MTHFD1: variants seen among roughly 807,000 people sequenced by gnomAD.
The protein encoded by MTHFD1 is C-1-tetrahydrofolate synthase, cytoplasmic.
MTHFD1 carries 44 observed loss-of-function variants against 110.3 expected under a neutral mutation model. That is an observed-to-expected ratio of 0.40 (90% confidence interval 0.31 to 0.51). MTHFD1 has a LOEUF of 0.51. MTHFD1 is among the 20% of genes least tolerant of loss of function. MTHFD1 has a pLI of 0.60. For synonymous variants in MTHFD1, 402 were observed against 428.8 expected (o/e 0.94, Z 0.77); for missense variants, 909 against 1,173.1 (o/e 0.77, Z 3.29).
chr14:64,425,210 C>CT (rs60509639), intron 9 of MTHFD1, among the ~76,000 whole-genome samples: 2,031 of 128,748 alleles, frequency 0.016, 41 homozygotes, highest in Non-Finnish European at 0.018. Context: ...CCTTCCCTTT[C>CT]TTTTTTTTTT....
rs945589340 is a variant in MTHFD1, at chr14:64,458,374, C to T, written c.*4+67C>T. 4 of 993,982 alleles carry T rather than the reference C, an allele frequency of 4.0e-6. No individual in the cohort carries two copies. In the African/African-American group the frequency reaches 6.4e-5, roughly 16 times the overall value. 61.6% of individuals were successfully genotyped at this position (993,982 alleles called of 1,614,324 possible). A position where few individuals can be genotyped will look rare whatever the true frequency, so the allele number is the denominator to read the frequency against. Reference sequence around the variant, plus strand: ...TAGCTTATTTATGAATTATAGGGCTCAAACTGACGCTATAAAAATTCACAT... The same window carrying T: ...TAGCTTATTTATGAATTATAGGGCTTAAACTGACGCTATAAAAATTCACAT... On this transcript the variant is annotated intron_variant, in intron 27 of 27. Transcript: ENST00000652337.
At chr14:64,446,202 C>T (rs746370795) in intron 22 of MTHFD1, among the ~76,000 whole-genome samples, 2 of 152,028 alleles carry the variant, frequency 1.3e-5, no homozygotes, top group African/African-American at 4.8e-5. Context: ...CTTAACAGTT[C>T]GGTGCATATT....
At chr14:64,444,936 T>C in intron 22 of MTHFD1, 1 of 614,924 alleles carries the variant, frequency 1.6e-6, no homozygotes, top group Non-Finnish European at 2.9e-6. Context: ...TTGTCCCACA[T>C]AGGGTGTCAA....
rs548975422 is a variant in MTHFD1 at position 64,412,498 on chromosome 14, G to T, written c.213G>T (p.Lys71Asn). 14 of 1,613,662 alleles carry T rather than the reference G, an allele frequency of 8.7e-6. No individual in the cohort carries two copies. In the African/African-American group the frequency reaches 1.7e-4, roughly 20 times the overall value. Residue 71 changes from lysine (K) to asparagine (N), a missense_variant, in exon 4 of 28, where the codon AAG (lysine) becomes AAT (asparagine). Lys to Asn is a moderately conservative substitution (Grantham distance 94). Coordinates refer to ENST00000652337, the MANE Select transcript of MTHFD1 (RefSeq NM_005956.4). Reference protein sequence around the residue: ...EEIGIKATHIKLPRTTTESEV... With the variant: ...EEIGIKATHINLPRTTTESEV... ...TTGGGATCAAAGCCACTCACATTAA[G>T]TTACCAAGAACAACCACAGAATCTG...
intron 21 of MTHFD1, among the ~76,000 whole-genome samples, chr14:64,443,664 G>C (rs1175998663): frequency 6.6e-6 from 1 of 152,060 alleles, no homozygotes; most frequent in Non-Finnish European, 1.5e-5. Context: ...TCCCAACCCA[G>C]CACACTCCTT....
intron 1 of MTHFD1, among the ~76,000 whole-genome samples, chr14:64,398,936 T>G (rs920118306): frequency 6.6e-6 from 1 of 152,254 alleles, no homozygotes; most frequent in African/African-American, 2.4e-5. Flanking sequence ...TGTTGGTAAA[T>G]TGATCATCTT....
At chr14:64,443,778 C>T (rs963706869) in intron 21 of MTHFD1, among the ~76,000 whole-genome samples, 56 of 152,198 alleles carry the variant, frequency 3.7e-4, no homozygotes, top group African/African-American at 1.2e-3. Flanking sequence ...ACCTCCTTTC[C>T]TTGCTTCCTC....
intron 22 of MTHFD1, among the ~76,000 whole-genome samples, chr14:64,447,188 G>C (rs1441638901): frequency 9.4e-6 from 1 of 106,622 alleles, no homozygotes; most frequent in Non-Finnish European, 1.7e-5. Context: ...ACAGAGTCTT[G>C]CTCTGTCACC....
At chr14:64,425,901 A>T in intron 10 of MTHFD1, 74 bp downstream of exon 10, 1 of 1,569,786 alleles carries the variant, frequency 6.4e-7, no homozygotes, top group South Asian at 1.1e-5. Context: ...GTGGGTTCAC[A>T]TATGCTCCCT....
chr14:64,430,847 A>C (rs1566566944), intron 13 of MTHFD1, among the ~76,000 whole-genome samples: 1 of 152,216 alleles, frequency 6.6e-6, no homozygotes, highest in Non-Finnish European at 1.5e-5. Context: ...ATGTAACTGC[A>C]GAAATTGGAA....
At chr14:64,415,334 A>G (rs1281784280) in intron 4 of MTHFD1, 24 bp from the exon 5 acceptor site, 15 of 1,595,538 alleles carry the variant, frequency 9.4e-6, no homozygotes, top group African/African-American at 1.3e-5. Flanking sequence ...GTGATATACA[A>G]ATTATATATG....
intron 2 of MTHFD1, among the ~76,000 whole-genome samples, chr14:64,402,890 G>T (rs1039113307): frequency 3.3e-5 from 5 of 152,136 alleles, no homozygotes; most frequent in African/African-American, 1.2e-4. Context: ...TAGCAGAAGT[G>T]CATTATGAGT....
chr14:64,398,766 T>TATGACAA (rs1244153779), intron 1 of MTHFD1, among the ~76,000 whole-genome samples: 2 of 152,192 alleles, frequency 1.3e-5, no homozygotes, highest in Non-Finnish European at 2.9e-5. Context: ...TGAATGTCCA[T>TATGACAA]ATGACAAATG....
chr14:64,449,481 C>T lies in MTHFD1; in HGVS notation c.2316C>T (p.Arg772=). ...DTESELDLIS[R]LSREHGAFDA... ...AGTCTGAGCTGGACCTCATCAGCCG[C>T]CTTTCCAGAGAACATGGGGCTTTTG... is the stretch of plus-strand genomic sequence containing the variant. Residue 772 remains arginine (R), a synonymous_variant, in exon 24 of 28, where the codon CGC becomes CGT. Coordinates refer to ENST00000652337, the MANE Select transcript of MTHFD1 (RefSeq NM_005956.4). The T allele has an allele frequency of 6.2e-7, 1 of 1,613,990 alleles. No homozygotes were observed. The highest frequency in any genetic ancestry group is 8.5e-7 in the Non-Finnish European group (1 of 1,180,036).
intron 1 of MTHFD1, among the ~76,000 whole-genome samples, chr14:64,399,733 T>C (rs545130478): frequency 6.6e-6 from 1 of 152,116 alleles, no homozygotes; most frequent in African/African-American, 2.4e-5. Flanking sequence ...GGGAAGTTCC[T>C]GTACATATTA....
chr14:64,456,143 A>C (rs2078469742), intron 26 of MTHFD1, among the ~76,000 whole-genome samples: 1 of 152,226 alleles, frequency 6.6e-6, no homozygotes, highest in African/African-American at 2.4e-5. Flanking sequence ...TAGAGGTGAA[A>C]GCAAATCTGG....
intron 22 of MTHFD1, among the ~76,000 whole-genome samples, chr14:64,447,634 A>G (rs1566574239): frequency 6.6e-6 from 1 of 151,810 alleles, no homozygotes; most frequent in Non-Finnish European, 1.5e-5. Context: ...TAAAGATAGT[A>G]TTTATCTTAT....
At chr14:64,405,269 G>GT (rs920500236) in intron 2 of MTHFD1, among the ~76,000 whole-genome samples, 2 of 151,794 alleles carry the variant, frequency 1.3e-5, no homozygotes, top group South Asian at 2.1e-4. Context: ...CATTGGGGGT[G>GT]TTTTTTTTCC....
At chr14:64,456,810 T>C (rs556915894) in intron 26 of MTHFD1, among the ~76,000 whole-genome samples, 1 of 152,360 alleles carries the variant, frequency 6.6e-6, no homozygotes, top group South Asian at 2.1e-4. Flanking sequence ...AATGAGGTTT[T>C]CTAAAGTATT....
Sources: gnomAD v4.1 joint callset for allele counts (sites outside exome capture counted in the v4.1 genomes callset) on GRCh38, gnomAD v4.1.1 for gene constraint, MANE v1.5 for transcripts, NCBI Gene and HGNC (gene_info 2026-07-23, HGNC 2026-07-21) for gene names.